Variants in IFT74 observed in about 807,000 individuals in gnomAD.
IFT74 encodes intraflagellar transport 74.
Under a neutral mutation model 96.7 loss-of-function variants are expected in IFT74, and 92 were observed. The observed-to-expected ratio is 0.95, with a 90% CI of 0.80 to 1.13. IFT74 has a LOEUF of 1.13. Among genes scored for constraint, IFT74 ranks in the 50% most tolerant of loss-of-function variants. The probability of loss-of-function intolerance (pLI) is 0.00; values close to 1 mark genes in which losing one functional copy is unlikely to be tolerated. For missense variants in IFT74, 811 were observed against 698.2 expected (o/e 1.16, Z -1.82); for synonymous variants, 223 against 213.2 (o/e 1.05, Z -0.40).
rs776804561 is a variant in IFT74, at chr9:27,008,363, CT to C, written c.588-645del. Among the ~76,000 whole-genome samples, 805 of 145,214 alleles carry C rather than the reference CT, an allele frequency of 5.5e-3. 10 individuals carry two copies. Among genetic ancestry groups the C allele is most frequent in the African/African-American group, 0.017 (667 of 39,894 alleles). The stretch of plus-strand genomic sequence containing the variant: ...AACCACAATTCTAAAACTTATTTGT[CT>C]TTTTTTTTTTTGAGATGGAGTTTTG... On this transcript the variant is annotated intron_variant, in intron 8 of 19. Coordinates refer to ENST00000380062, the MANE Select transcript of IFT74 (RefSeq NM_025103.4).
chr9:26,961,601 A>G (rs12351099), intron 1 of IFT74, among the ~76,000 whole-genome samples: 26 of 152,192 alleles, frequency 1.7e-4, no homozygotes, highest in African/African-American at 6.0e-4. Context: ...AGAGTTAATC[A>G]TGGACCAGAA....
intron 16 of IFT74, among the ~76,000 whole-genome samples, 168 bp from the exon 17 acceptor site, chr9:27,055,441 G>T (rs561811296): frequency 6.6e-6 from 1 of 152,154 alleles, no homozygotes; most frequent in Non-Finnish European, 1.5e-5. Flanking sequence ...TTATTGAGGG[G>T]ATGAGTATTT....
At chr9:26,979,305 C>G (rs1827256798) in intron 3 of IFT74, among the ~76,000 whole-genome samples, 1 of 151,948 alleles carries the variant, frequency 6.6e-6, no homozygotes, top group African/African-American at 2.4e-5. Flanking sequence ...ATTTAACTAG[C>G]CTTTTGAAAG....
intron 16 of IFT74, among the ~76,000 whole-genome samples, chr9:27,053,408 G>A (rs1175344753): frequency 1.3e-5 from 2 of 152,136 alleles, no homozygotes; most frequent in Non-Finnish European, 1.5e-5. Flanking sequence ...GGGCAAAGAG[G>A]CAAGGGATTT....
intron 12 of IFT74, among the ~76,000 whole-genome samples, chr9:27,021,979 C>T (rs1292952447): frequency 1.3e-5 from 2 of 152,162 alleles, no homozygotes; most frequent in Non-Finnish European, 2.9e-5. Context: ...AGATTTAAGT[C>T]TCTGATTCAC....
rs1223065598 is a variant in IFT74, at chr9:27,065,339, A to ATAGC, written c.*2605_*2608dup. 6.6e-6 allele frequency among the ~76,000 whole-genome samples: 1 copy of ATAGC among 152,160 alleles called. No homozygotes were observed. The highest frequency in any genetic ancestry group is 2.4e-5 in the African/African-American group (1 of 41,436). ...TTTACTGGGATAGAACTGGAGGCTA[A>ATAGC]TAGCTGCATGAACTGGCTCTTCCTG... On this transcript the variant is annotated 3_prime_UTR_variant, in exon 20 of 20. Coordinates refer to ENST00000380062, the MANE Select transcript of IFT74 (RefSeq NM_025103.4).
chr9:26,995,180 C>T (rs906442021), intron 8 of IFT74: 2 of 169,286 alleles, frequency 1.2e-5, no homozygotes, highest in Non-Finnish European at 2.6e-5. Flanking sequence ...TAACTTAATA[C>T]ATATTATGTC....
chr9:26,970,970 A>T (rs529898578), intron 2 of IFT74, among the ~76,000 whole-genome samples: 1 of 152,226 alleles, frequency 6.6e-6, no homozygotes, highest in East Asian at 1.9e-4. Context: ...ATGCCAAGGG[A>T]TATGGTATTC....
Position 26,947,134 on chromosome 9 carries a change from G to A in IFT74, c.-32G>A, listed in dbSNP as rs547622002. The A allele has an allele frequency of 3.0e-4, 411 of 1,380,576 alleles. 1 individual carries two copies. In the African/African-American group the frequency reaches 5.5e-3, roughly 19 times the overall value. The allele number at this position is 1,380,576 out of a possible 1,614,324, so 85.5% of individuals were successfully genotyped here. A position where few individuals can be genotyped will look rare whatever the true frequency, so the allele number is the denominator to read the frequency against. Reference sequence around the variant, plus strand: ...CGGAGAGCGCCGGGCCGCGGCGGGAGAAGAGCCTGCAGGTAAGGGGCGGCC... The same window carrying A: ...CGGAGAGCGCCGGGCCGCGGCGGGAAAAGAGCCTGCAGGTAAGGGGCGGCC... On this transcript the variant is annotated 5_prime_UTR_variant, in exon 1 of 20. Transcript: ENST00000433700.
At chr9:27,062,485 A>G in intron 19 of IFT74, 133 bp from the exon 20 acceptor site, 1 of 563,526 alleles carries the variant, frequency 1.8e-6, no homozygotes, top group Middle Eastern at 3.1e-4. Flanking sequence ...AAAATGATGT[A>G]CTGTATTTTA....
intron 12 of IFT74, among the ~76,000 whole-genome samples, chr9:27,023,252 T>A (rs548068704): frequency 6.6e-6 from 1 of 152,186 alleles, no homozygotes; most frequent in Non-Finnish European, 1.5e-5. Flanking sequence ...TTAGGGGGAA[T>A]GCTTTCAACT....
intron 13 of IFT74, among the ~76,000 whole-genome samples, chr9:27,034,560 C>G (rs1464574023): frequency 6.6e-6 from 1 of 152,094 alleles, no homozygotes; most frequent in African/African-American, 2.4e-5. Context: ...CGGAGTTTTT[C>G]TCTTGTGGCC....
upstream of IFT74, among the ~76,000 whole-genome samples, chr9:26,955,289 T>C (rs1293857389): frequency 6.6e-6 from 1 of 152,192 alleles, no homozygotes; most frequent in Admixed American, 6.5e-5. Flanking sequence ...TGCTGGACAC[T>C]GGTTGCTGGT....
intron 1 of IFT74, among the ~76,000 whole-genome samples, chr9:26,961,031 A>C (rs2131476553): frequency 6.6e-6 from 1 of 151,896 alleles, no homozygotes; most frequent in Non-Finnish European, 1.5e-5. Context: ...GCAACCAGGA[A>C]AGATCAAGGC....
intron 12 of IFT74, among the ~76,000 whole-genome samples, chr9:27,019,961 A>G (rs1829518611): frequency 1.3e-5 from 2 of 151,832 alleles, no homozygotes; most frequent in South Asian, 4.1e-4. Context: ...AAAGCATACC[A>G]ATTGTTTTAA....
intron 1 of IFT74, among the ~76,000 whole-genome samples, chr9:26,961,001 T>G (rs1238128567): frequency 6.6e-6 from 1 of 150,780 alleles, no homozygotes; most frequent in African/African-American, 2.4e-5. Flanking sequence ...GAGGAGAGAT[T>G]AGGAAGTCAC....
At chr9:26,968,948 A>C (rs1386215548) in intron 2 of IFT74, among the ~76,000 whole-genome samples, 1 of 151,580 alleles carries the variant, frequency 6.6e-6, no homozygotes, top group African/African-American at 2.4e-5. Flanking sequence ...TTCTAATATG[A>C]ATTTTGTGTT....
intron 8 of IFT74, among the ~76,000 whole-genome samples, chr9:27,006,130 C>G (rs2131594663): frequency 6.6e-6 from 1 of 152,270 alleles, no homozygotes; most frequent in East Asian, 1.9e-4. Context: ...AAGTGTGAGC[C>G]ACTGCACCCA....
intron 1 of IFT74, among the ~76,000 whole-genome samples, chr9:26,948,985 G>C (rs963057231): frequency 6.6e-6 from 1 of 151,714 alleles, no homozygotes; most frequent in Non-Finnish European, 1.5e-5. Context: ...ATCTGTCATA[G>C]TTCAACACCA....
Sources: gnomAD v4.1 joint callset for allele counts (sites outside exome capture counted in the v4.1 genomes callset) on GRCh38, gnomAD v4.1.1 for gene constraint, MANE v1.5 for transcripts, NCBI Gene and HGNC (gene_info 2026-07-23, HGNC 2026-07-21) for gene names.